Variants in CDH4 observed in about 807,000 individuals in gnomAD.
The protein encoded by CDH4 is cadherin-4.
Under a neutral mutation model 86.0 loss-of-function variants are expected in CDH4, and 33 were observed. The observed-to-expected ratio is 0.38, with a 90% confidence interval of 0.29 to 0.51. CDH4 has a LOEUF of 0.51. Among genes scored for constraint, CDH4 ranks in the 20% least tolerant of loss-of-function variants. The pLI, the probability that CDH4 is intolerant of heterozygous loss-of-function variation, is 0.86. For synonymous variants in CDH4, 555 were observed against 549.4 expected, an observed-to-expected ratio of 1.01 and a Z score of -0.14; for missense variants, 1,114 against 1,307.4, an observed-to-expected ratio of 0.85 and a Z score of 2.28.
At chr20:61,632,106 A>C (rs561909171) in intron 2 of CDH4, among the ~76,000 whole-genome samples, 1 of 152,352 alleles carries the variant, frequency 6.6e-6, no homozygotes, top group South Asian at 2.1e-4. Context: ...TGATGTGCAC[A>C]GCACACCGGG....
intron 2 of CDH4, among the ~76,000 whole-genome samples, chr20:61,655,784 T>C (rs764173770): frequency 6.6e-6 from 1 of 152,246 alleles, no homozygotes; most frequent in Non-Finnish European, 1.5e-5. Context: ...CAAGTCCCTG[T>C]CCTCAGGGAC....
chr20:61,286,100 G>A (rs543434648), intron 2 of CDH4, among the ~76,000 whole-genome samples: 1 of 152,376 alleles, frequency 6.6e-6, no homozygotes, highest in Non-Finnish European at 1.5e-5. Flanking sequence ...GAGGGAGATG[G>A]TGCTCAGATT....
chr20:61,506,298 A>G (rs2085741203), intron 2 of CDH4, among the ~76,000 whole-genome samples: 1 of 152,260 alleles, frequency 6.6e-6, no homozygotes, highest in South Asian at 2.1e-4. Context: ...ATCCAGTTAC[A>G]GTAATAGCTC....
intron 2 of CDH4, among the ~76,000 whole-genome samples, chr20:61,688,560 G>A (rs566165931): frequency 3.3e-5 from 5 of 152,300 alleles, no homozygotes; most frequent in Admixed American, 6.5e-5. Flanking sequence ...GCCGCCTTCC[G>A]GAAGCACTGG....
chr20:61,780,910 G>A (rs972253401), intron 4 of CDH4, among the ~76,000 whole-genome samples: 3 of 152,182 alleles, frequency 2.0e-5, no homozygotes, highest in East Asian at 3.9e-4. Flanking sequence ...GTTTAGAATT[G>A]ACAAAGCAGC....
intron 2 of CDH4, among the ~76,000 whole-genome samples, chr20:61,519,852 C>T (rs1024538326): frequency 2.0e-5 from 3 of 152,222 alleles, no homozygotes; most frequent in Non-Finnish European, 4.4e-5. Context: ...TTCCTCAGGG[C>T]CCTGACCGCT....
At chr20:61,917,171 T>C (rs1293260161) in intron 9 of CDH4, among the ~76,000 whole-genome samples, 3 of 152,168 alleles carry the variant, frequency 2.0e-5, no homozygotes, top group Non-Finnish European at 4.4e-5. Flanking sequence ...TCCCTAGCCA[T>C]ACCAGCCGGG....
intron 4 of CDH4, among the ~76,000 whole-genome samples, chr20:61,773,510 T>C (rs186768693): frequency 1.4e-4 from 22 of 152,304 alleles, no homozygotes; most frequent in Admixed American, 1.4e-3. Context: ...TGATCACATT[T>C]CTTTCCATGG....
chr20:61,629,927 C>G (rs1034778777), intron 2 of CDH4, among the ~76,000 whole-genome samples: 1 of 152,178 alleles, frequency 6.6e-6, no homozygotes, highest in Non-Finnish European at 1.5e-5. Context: ...TGTGACTCAG[C>G]GCAAGGAGTC....
chr20:61,869,631 C>T (rs1983711147), intron 6 of CDH4, among the ~76,000 whole-genome samples: 2 of 152,328 alleles, frequency 1.3e-5, no homozygotes, highest in South Asian at 4.1e-4. Context: ...CCACACATCC[C>T]ACCTGGCCCC....
At chr20:61,731,108 G>A (rs770153361) in intron 2 of CDH4, among the ~76,000 whole-genome samples, 6 of 152,050 alleles carry the variant, frequency 3.9e-5, no homozygotes, top group Non-Finnish European at 5.9e-5. Flanking sequence ...ATGTCCTGGG[G>A]CCCATCACGG....
At chr20:61,396,074 G>T (rs896870447) in intron 2 of CDH4, among the ~76,000 whole-genome samples, 10 of 152,168 alleles carry the variant, frequency 6.6e-5, no homozygotes, top group Admixed American at 5.2e-4. Flanking sequence ...TTTTATTGGC[G>T]CTCAGGCCCA....
At position 61,470,115 on chromosome 20, in the gene CDH4, A is replaced by C. The variant is rs112591781; in HGVS notation, c.169+215178A>C. Among the ~76,000 whole-genome samples the C allele has an allele frequency of 6.9e-3, 1,046 of 152,208 alleles. 11 individuals carry two copies. Among genetic ancestry groups the C allele is most frequent in the African/African-American group, 0.024 (990 of 41,542 alleles). On this transcript the variant is annotated intron_variant, in intron 2 of 15. Coordinates refer to ENST00000614565, the MANE Select transcript of CDH4 (RefSeq NM_001794.5). ...TGTGAAGAATGTCATTGGTATTTTC[A>C]TAGGGGTTGCATTGAATCCATAGAT... is the stretch of plus-strand genomic sequence containing the variant.
At chr20:61,425,981 TTTC>T (rs1484835879) in intron 2 of CDH4, among the ~76,000 whole-genome samples, 2 of 152,258 alleles carry the variant, frequency 1.3e-5, no homozygotes, top group African/African-American at 4.8e-5. Flanking sequence ...TGATCTTGTG[TTTC>T]TTAAGTCAGG....
chr20:61,456,359 T>C (rs1456031104), intron 2 of CDH4, among the ~76,000 whole-genome samples: 1 of 152,240 alleles, frequency 6.6e-6, no homozygotes, highest in Non-Finnish European at 1.5e-5. Context: ...GAGGTTTTAT[T>C]GTAGGCCAGT....
chr20:61,644,325 C>T (rs2087039460), intron 2 of CDH4, among the ~76,000 whole-genome samples: 1 of 152,218 alleles, frequency 6.6e-6, no homozygotes, highest in Non-Finnish European at 1.5e-5. Context: ...GAGGGTGGAA[C>T]AGGGTCAGCA....
intron 2 of CDH4, among the ~76,000 whole-genome samples, chr20:61,556,746 C>A (rs2086180648): frequency 6.6e-6 from 1 of 152,140 alleles, no homozygotes; most frequent in African/African-American, 2.4e-5. Flanking sequence ...TCTTGGTGCC[C>A]CCCACCTTGG....
intron 2 of CDH4, among the ~76,000 whole-genome samples, chr20:61,371,616 C>T (rs2084840873): frequency 6.6e-6 from 1 of 152,220 alleles, no homozygotes; most frequent in Admixed American, 6.5e-5. Flanking sequence ...GACCACCGGG[C>T]AGGCCTCTGC....
chr20:61,309,772 A>G lies in CDH4; in HGVS notation c.169+54835A>G, dbSNP rs2084435869. 4.5e-5 allele frequency among the ~76,000 whole-genome samples: 4 copies of G among 88,560 alleles called. No individual in the cohort carries two copies. The South Asian group carries it at 2.2e-3, about 49-fold the overall frequency. 58.1% of individuals were successfully genotyped at this position (88,560 alleles called of 152,430 possible). A position where few individuals can be genotyped will look rare whatever the true frequency, so the allele number is the denominator to read the frequency against. The stretch of plus-strand genomic sequence containing the variant: ...TTCCACAAAAGCTTCATGAACATAT[A>G]GCAAGTGCCAGGCCCTGTCTAAGTG... On this transcript the variant is annotated intron_variant, in intron 2 of 15. Coordinates refer to ENST00000614565, the MANE Select transcript of CDH4 (RefSeq NM_001794.5).
Sources: gnomAD v4.1 joint callset for allele counts (sites outside exome capture counted in the v4.1 genomes callset) on GRCh38, gnomAD v4.1.1 for gene constraint, MANE v1.5 for transcripts, NCBI Gene and HGNC (gene_info 2026-07-23, HGNC 2026-07-21) for gene names.